DOCK6: variants seen among roughly 807,000 people sequenced by gnomAD.
The protein encoded by DOCK6 is dedicator of cytokinesis 6, also known as dedicator of cytokinesis protein 6.
DOCK6 carries 167 observed loss-of-function variants against 230.3 expected under a neutral mutation model. The observed-to-expected ratio is 0.73, with a 90% CI of 0.64 to 0.82. DOCK6 has a LOEUF of 0.82. DOCK6 is among the 40% of genes least tolerant of loss of function. The pLI, the probability that DOCK6 is intolerant of heterozygous loss-of-function variation, is 0.00. For synonymous variants in DOCK6, 1,148 were observed against 1,185.0 expected (o/e 0.97, Z 0.64); for missense variants, 2,598 against 2,825.8 (o/e 0.92, Z 1.83).
Position 11,243,419 on chromosome 19 carries a change from C to G in DOCK6, c.1259-34G>C. On this transcript the variant is annotated intron_variant, in intron 11 of 47. Transcript: ENST00000294618. The surrounding 1 kb of genome is among the most constrained non-coding windows in gnomAD (Gnocchi z 6.3). ...GGGAATGACAATGACAAAAGGGGGA[C>G]CAAGATGAAACAGGGAGACTCAGGG... The G allele has an allele frequency of 2.5e-6, 4 of 1,592,430 alleles. No individual in the cohort carries two copies. The highest frequency in any genetic ancestry group is 2.6e-6 in the Non-Finnish European group (3 of 1,170,432).
chr19:11,223,022 A>AGACAAAG lies in DOCK6; in HGVS notation c.3033_3039dup (p.Phe1014LeufsTer22). On this transcript the variant is annotated frameshift_variant, in exon 25 of 48. Coordinates refer to ENST00000294618, the MANE Select transcript of DOCK6 (RefSeq NM_020812.4). LOFTEE classifies it high-confidence loss of function. ...TTGTAGTGGGCCCGGACCAGGCTGA[A>AGACAAAG]GACAAAGCCCCGGTCCACCAGGGAC... 1 of 1,613,786 alleles carries AGACAAAG rather than the reference A, an allele frequency of 6.2e-7. No homozygotes were observed. The highest frequency in any genetic ancestry group is 1.7e-5 in the Admixed American group (1 of 59,996).
rs756208935 is a variant in DOCK6 at position 11,201,962 on chromosome 19, C to T, written c.5615G>A (p.Arg1872His). Residue 1872 changes from arginine to histidine, a missense_variant, in exon 44 of 48, where the codon CGT becomes CAT. Arg to His is a conservative substitution (Grantham distance 29). Transcript: ENST00000294618. The surrounding 1 kb of genome is among the most constrained non-coding windows in gnomAD (Gnocchi z 4.3). ...AHGELPEQHK[R>H]KTLLSTDHAF... ...GTGGTCGGTGCTGAGCAGCGTCTTA[C>T]GCTTGTGTTGCTCGGGCAGCTCCCC... 1.4e-5 allele frequency: 23 copies of T among 1,612,992 alleles called. No individual in the cohort carries two copies. The highest frequency in any genetic ancestry group is 3.3e-4 in the Middle Eastern group (2 of 6,084).
chr19:11,239,568 G>A (rs576699306), intron 14 of DOCK6: 53 of 1,572,076 alleles, frequency 3.4e-5, no homozygotes, highest in East Asian at 2.7e-4. Flanking sequence ...GATTGACTGG[G>A]GATCAGTGGG....
Position 11,233,250 on chromosome 19 carries a change from C to G in DOCK6, c.2671G>C (p.Ala891Pro), listed in dbSNP as rs1252006765. The G allele has an allele frequency of 6.2e-6, 10 of 1,613,860 alleles. No individual in the cohort carries two copies. Among genetic ancestry groups the G allele is most frequent in the Non-Finnish European group, 8.5e-6 (10 of 1,179,848 alleles). The change falls in exon 22 of 48, where the codon GCC (alanine) becomes CCC (proline). Residue 891 changes from alanine (A) to proline (P), a missense_variant. Ala to Pro is a conservative substitution (Grantham distance 27). Transcript: ENST00000294618. ...ISSSNPDLAV[A>P]PGSVDDEVSR... Reference sequence around the variant, plus strand: ...ACCTCGTCATCCACAGAGCCAGGGGCCACGGCGAGGTCAGGGTTGCTGCTG... The same window carrying G: ...ACCTCGTCATCCACAGAGCCAGGGGGCACGGCGAGGTCAGGGTTGCTGCTG...
rs548166827 is a variant in DOCK6 at position 11,240,442 on chromosome 19, C to T, written c.1643+1603G>A. The T allele has an allele frequency of 1.2e-3, 934 of 810,036 alleles. 1 individual carries two copies. The highest frequency in any genetic ancestry group is 3.3e-3 in the Middle Eastern group (9 of 2,692). The allele number at this position is 810,036 out of a possible 1,614,324, so 50.2% of individuals were successfully genotyped here. ...CATGTCCCCAGACAAAACTCAAGTCCTTTTGTGTGCCTCAGTTTCCCTTTT... is the reference window on the plus strand; with the variant it reads ...CATGTCCCCAGACAAAACTCAAGTCTTTTTGTGTGCCTCAGTTTCCCTTTT... On this transcript the variant is annotated intron_variant, in intron 14 of 47. Coordinates refer to ENST00000294618, the MANE Select transcript of DOCK6 (RefSeq NM_020812.4).
At chr19:11,220,096 G>A (rs1000043542) in intron 28 of DOCK6, among the ~76,000 whole-genome samples, 21 of 151,902 alleles carry the variant, frequency 1.4e-4, no homozygotes, top group African/African-American at 3.6e-4. Context: ...TTGGATTACC[G>A]GTGCCCACCA....
At chr19:11,252,405 C>T in intron 4 of DOCK6, 77 bp downstream of exon 4, 1 of 1,596,472 alleles carries the variant, frequency 6.3e-7, no homozygotes, top group Non-Finnish European at 8.6e-7. Flanking sequence ...GGCAGATACA[C>T]AGTAGGACCG....
In DOCK6 at chr19:11,217,260, G is replaced by A. The variant is rs770733247; in HGVS notation, c.3682C>T (p.Arg1228Trp). 9.3e-6 allele frequency: 15 copies of A among 1,612,544 alleles called. No individual in the cohort carries two copies. Among genetic ancestry groups the A allele is most frequent in the South Asian group, 3.3e-5 (3 of 90,894 alleles). The change falls in exon 29 of 48, where the codon CGG (arginine) becomes TGG (tryptophan). Residue 1228 changes from arginine to tryptophan, a missense_variant. Transcript: ENST00000294618. ...IAGGPLAPGS[R>W]ASISQGPPTA... is the part of the protein sequence containing the mutation. ...GGTGGCCCCTGGGAGATGCTGGCCC[G>A]GGAGCCAGGGGCTAGGGGGCCACCA...
At chr19:11,219,094 G>T (rs1306849617) in intron 28 of DOCK6, among the ~76,000 whole-genome samples, 1 of 147,892 alleles carries the variant, frequency 6.8e-6, no homozygotes, top group South Asian at 2.1e-4. Flanking sequence ...GGCCAGGCTG[G>T]TCTTGAACTC....
In DOCK6 at chr19:11,243,414, G is replaced by T; in HGVS notation, c.1259-29C>A. On this transcript the variant is annotated intron_variant, in intron 11 of 47. Transcript: ENST00000294618. This position sits in a 1 kb window ranked among gnomAD's most constrained non-coding sequence, Gnocchi z 6.3. ...GGGGAGGGAATGACAATGACAAAAG[G>T]GGGACCAAGATGAAACAGGGAGACT... 6.3e-7 allele frequency: 1 copy of T among 1,595,352 alleles called. No individual in the cohort carries two copies. Among genetic ancestry groups the T allele is most frequent in the Non-Finnish European group, 8.5e-7 (1 of 1,171,884 alleles).
At chr19:11,262,319 G>T in intron 1 of DOCK6, 78 bp downstream of exon 1, 1 of 1,010,900 alleles carries the variant, frequency 9.9e-7, no homozygotes, top group Non-Finnish European at 1.3e-6. Context: ...GGGGCGCCCG[G>T]GCGGGGAGGG....
In DOCK6 at chr19:11,250,898, G is replaced by C; in HGVS notation, c.696C>G (p.Leu232=). 6.2e-7 allele frequency: 1 copy of C among 1,603,786 alleles called. No individual in the cohort carries two copies. Among genetic ancestry groups the C allele is most frequent in the Non-Finnish European group, 8.5e-7 (1 of 1,171,874 alleles). ...CCTCGTCAGGTGCCGGGTAGAGGGT[G>C]AGCAGGGCCGGGGGCCGGTGCTGCC... The part of the protein sequence containing the change: ...LRRQHRPPAL[L]TLYPAPDEDE... Residue 232 remains leucine (L), a synonymous_variant, in exon 6 of 48, where the codon CTC becomes CTG. Coordinates refer to ENST00000294618, the MANE Select transcript of DOCK6 (RefSeq NM_020812.4).
chr19:11,232,206 A>G, intron 22 of DOCK6: 1 of 1,289,280 alleles, frequency 7.8e-7, no homozygotes, highest in Non-Finnish European at 1.0e-6. Flanking sequence ...CGGCCCCACA[A>G]TAAGGGGGCG....
chr19:11,204,451 G>C lies in DOCK6; in HGVS notation c.5089-120C>G, dbSNP rs2079224286. 2.8e-6 allele frequency: 4 copies of C among 1,413,662 alleles called. No individual in the cohort carries two copies. The South Asian group carries it at 5.9e-5, about 21-fold the overall frequency. The allele number at this position is 1,413,662 out of a possible 1,614,324, so 87.6% of individuals were successfully genotyped here. On this transcript the variant is annotated intron_variant, in intron 39 of 47. Coordinates refer to ENST00000294618, the MANE Select transcript of DOCK6 (RefSeq NM_020812.4). ...ACCCACCCTCCATCACCTCCTCCAG[G>C]AAGCCCACCCTGACCACCCCTATCC... is the stretch of plus-strand genomic sequence containing the variant.
chr19:11,237,278 T>C (rs1453770956), intron 18 of DOCK6, 178 bp downstream of exon 18: 1 of 671,242 alleles, frequency 1.5e-6, no homozygotes, highest in Non-Finnish European at 2.6e-6. Context: ...TGGGAATCTT[T>C]GGGGAGGACA....
Position 11,202,110 on chromosome 19 carries a change from TG to T in DOCK6, c.5466del (p.Thr1823ArgfsTer16). On this transcript the variant is annotated frameshift_variant, in exon 44 of 48. Coordinates refer to ENST00000294618, the MANE Select transcript of DOCK6 (RefSeq NM_020812.4). LOFTEE classifies it high-confidence loss of function. The surrounding 1 kb of genome is among the most constrained non-coding windows in gnomAD (Gnocchi z 5.3). ...GTATCAAAGTACGGTTCCACATACG[TG>T]ATCTGGATGTAGGCCTGGGCGCAGG... ...KLDSQKAYIQ[I>X]TYVEPYFDTY... 1 of 1,613,958 alleles carries T rather than the reference TG, an allele frequency of 6.2e-7. No individual in the cohort carries two copies. Among genetic ancestry groups the T allele is most frequent in the Non-Finnish European group, 8.5e-7 (1 of 1,179,880 alleles).
Position 11,251,021 on chromosome 19 carries a change from G to A in DOCK6, c.573C>T (p.Ile191=). 6.2e-7 allele frequency: 1 copy of A among 1,613,812 alleles called. No individual in the cohort carries two copies. The highest frequency in any genetic ancestry group is 8.5e-7 in the Non-Finnish European group (1 of 1,179,862). ...DTPRSSGASS[I]FDLRNLAADS... ...CAGCTGCCAGGTTCCTCAGGTCGAA[G>A]ATGCTAGAGGCACCACTGCTTCGAG... The change falls in exon 6 of 48, where the codon ATC becomes ATT. Residue 191 remains isoleucine, a synonymous_variant. Transcript: ENST00000294618.
intron 7 of DOCK6, among the ~76,000 whole-genome samples, chr19:11,246,704 A>T (rs1171777863): frequency 6.6e-6 from 1 of 151,922 alleles, no homozygotes; most frequent in Non-Finnish European, 1.5e-5. Flanking sequence ...GAAATTCTCA[A>T]CTTCCGGGTT....
At chr19:11,215,045 C>T (rs1028799994) in intron 32 of DOCK6, among the ~76,000 whole-genome samples, 3 of 151,636 alleles carry the variant, frequency 2.0e-5, no homozygotes, top group Admixed American at 6.6e-5. Context: ...CGGGTTCACA[C>T]CATTCTCCTG....
Sources: gnomAD v4.1 joint callset for allele counts (sites outside exome capture counted in the v4.1 genomes callset) on GRCh38, gnomAD v4.1.1 for gene constraint, Gnocchi (gnomAD v3.1) non-coding constraint, MANE v1.5 for transcripts, NCBI Gene and HGNC (gene_info 2026-07-23, HGNC 2026-07-21) for gene names.